Variants in HEXB observed in about 807,000 individuals in gnomAD.
The protein encoded by HEXB is beta-hexosaminidase subunit beta.
Under a neutral mutation model 71.2 loss-of-function variants are expected in HEXB, and 51 were observed. The observed-to-expected ratio is 0.72, with a 90% CI of 0.57 to 0.90. The LOEUF (loss-of-function observed/expected upper bound fraction) is 0.90. HEXB is among the 40% of genes least tolerant of loss of function. The pLI, the probability that HEXB is intolerant of heterozygous loss-of-function variation, is 0.00. For missense variants in HEXB, 617 were observed against 677.0 expected, an observed-to-expected ratio of 0.91 and a Z score of 0.98; for synonymous variants, 266 against 249.3, an observed-to-expected ratio of 1.07 and a Z score of -0.63.
chr5:74,702,895 A>G (rs946065842), intron 5 of HEXB, among the ~76,000 whole-genome samples: 1 of 152,148 alleles, frequency 6.6e-6, no homozygotes, highest in Admixed American at 6.5e-5. Flanking sequence ...TATTTTTATC[A>G]GTGTGGACTC....
chr5:74,664,430 T>TTAAAAAAAAAAAAA (rs768901546), intron 1 of HEXB, among the ~76,000 whole-genome samples: 57 of 79,626 alleles, frequency 7.2e-4, no homozygotes, highest in East Asian at 2.5e-3. Context: ...ATTCTATCTC[T>TTAAAAAAAAAAAAA]AAAAAAAAAA....
chr5:74,705,287 T>C lies in HEXB; in HGVS notation c.738T>C (p.Tyr246=), dbSNP rs777853621. 5 of 1,608,760 alleles carry C rather than the reference T, an allele frequency of 3.1e-6. No homozygotes were observed. Among genetic ancestry groups the C allele is most frequent in the Middle Eastern group, 1.6e-4 (1 of 6,078 alleles). The part of the protein sequence containing the change: ...WHIVDDQSFP[Y]QSITFPELSN... The stretch of plus-strand genomic sequence containing the variant: ...TAGTTGATGACCAGTCTTTCCCATA[T>C]CAGAGCATCACTTTTCCTGAGTTAA... The change falls in exon 6 of 14, where the codon TAT becomes TAC. Residue 246 remains tyrosine (Y), a synonymous_variant. Coordinates refer to ENST00000261416, the MANE Select transcript of HEXB (RefSeq NM_000521.4).
At chr5:74,720,202 G>A (rs371237674) in intron 11 of HEXB, 173 of 557,784 alleles carry the variant, frequency 3.1e-4, no homozygotes, top group African/African-American at 2.9e-3. Flanking sequence ...GCTGTGAACC[G>A]TGGGTCAGGG....
At chr5:74,644,085 A>G (rs1470472637) in intron 1 of HEXB, among the ~76,000 whole-genome samples, 2 of 152,212 alleles carry the variant, frequency 1.3e-5, no homozygotes, top group Non-Finnish European at 2.9e-5. Flanking sequence ...GTGGACGCCC[A>G]GTCAGGGACC....
chr5:74,700,129 C>G (rs937649903), intron 5 of HEXB, among the ~76,000 whole-genome samples: 1 of 148,984 alleles, frequency 6.7e-6, no homozygotes, highest in African/African-American at 2.5e-5. Flanking sequence ...ACCTCAGCCT[C>G]CTGAGTAGCT....
At chr5:74,713,438 A>T (rs947155699) in intron 6 of HEXB, 68 bp from the exon 7 acceptor site, 8 of 1,487,886 alleles carry the variant, frequency 5.4e-6, no homozygotes, top group Non-Finnish European at 7.5e-6. Flanking sequence ...TGCAAGCACA[A>T]TTGTTAACAA....
Position 74,640,950 on chromosome 5 carries a change from T to C in HEXB, c.-377+392T>C, listed in dbSNP as rs191698600. ...AGCGGGAGAGGGGGGCTGCGGGGAGTGCAGAGAGACAAAGCGGACGCACTG... is the reference window on the plus strand; with the variant it reads ...AGCGGGAGAGGGGGGCTGCGGGGAGCGCAGAGAGACAAAGCGGACGCACTG... On this transcript the variant is annotated intron_variant, in intron 1 of 13. Coordinates refer to the HEXB transcript ENST00000511181. The C allele has an allele frequency of 8.7e-3, 1,314 of 151,748 alleles. 16 individuals carry two copies. The highest frequency in any genetic ancestry group is 0.014 in the Non-Finnish European group (938 of 67,998). The allele number at this position is 151,748 out of a possible 1,614,324, so 9.4% of individuals were successfully genotyped here.
At chr5:74,689,053 G>A (rs79631174) in intron 1 of HEXB, among the ~76,000 whole-genome samples, 11 of 91,234 alleles carry the variant, frequency 1.2e-4, no homozygotes, top group South Asian at 7.3e-4. Flanking sequence ...GGTTCTTAAC[G>A]GGGCTTCATA....
intron 11 of HEXB, among the ~76,000 whole-genome samples, chr5:74,719,175 TC>T (rs1359772806): frequency 1.3e-5 from 2 of 152,224 alleles, no homozygotes; most frequent in Non-Finnish European, 2.9e-5. Flanking sequence ...TTTTAAACTC[TC>T]AAGAAACCAT....
At chr5:74,714,987 G>A (rs1347988878) in intron 7 of HEXB, among the ~76,000 whole-genome samples, 1 of 152,166 alleles carries the variant, frequency 6.6e-6, no homozygotes, top group Non-Finnish European at 1.5e-5. Flanking sequence ...TAGTGGGAAT[G>A]TAAAATAATG....
At chr5:74,691,349 T>A (rs1004559206) in intron 2 of HEXB, among the ~76,000 whole-genome samples, 1 of 152,198 alleles carries the variant, frequency 6.6e-6, no homozygotes, top group African/African-American at 2.4e-5. Flanking sequence ...TGCAGATAAA[T>A]GGACACATAA....
chr5:74,670,479 C>T (rs1396383832), intron 1 of HEXB, among the ~76,000 whole-genome samples: 1 of 152,166 alleles, frequency 6.6e-6, no homozygotes, highest in Non-Finnish European at 1.5e-5. Flanking sequence ...ACCCAAGACC[C>T]ACCAAATGCG....
Position 74,721,168 on chromosome 5 carries a change from A to C in HEXB, c.1664A>C (p.Asn555Thr), listed in dbSNP as rs1442570163. Residue 555 changes from asparagine (N) to threonine (T), a missense_variant, in exon 14 of 14, where the codon AAC (asparagine) becomes ACC (threonine). Physicochemically the swap from Asn to Thr is moderately conservative, Grantham distance 65 (BLOSUM62 0). Transcript: ENST00000261416. ...PLYAGYCNHE[N>T]M The stretch of plus-strand genomic sequence containing the variant: ...TATGCTGGATATTGTAACCATGAGA[A>C]CATGTAAAAAATGGAGGGGAAAAAG... 1.2e-6 allele frequency: 2 copies of C among 1,612,874 alleles called. No homozygotes were observed. The highest frequency in any genetic ancestry group is 1.7e-6 in the Non-Finnish European group (2 of 1,179,074).
In HEXB at chr5:74,718,832, C is replaced by T. The variant is rs1201778602; in HGVS notation, c.1278C>T (p.Asp426=). The T allele has an allele frequency of 6.2e-7, 1 of 1,614,126 alleles. No homozygotes were observed. The highest frequency in any genetic ancestry group is 1.1e-5 in the South Asian group (1 of 91,086). ...APGTIVEVWK[D]SAYPEELSRV... ...GCACAATAGTTGAAGTATGGAAAGA[C>T]AGCGCATATCCTGAGGAACTCAGTA... The change falls in exon 11 of 14, where the codon GAC becomes GAT. Residue 426 remains aspartate, a synonymous_variant. Coordinates refer to ENST00000261416, the MANE Select transcript of HEXB (RefSeq NM_000521.4).
intron 1 of HEXB, among the ~76,000 whole-genome samples, chr5:74,656,480 A>AAAAATAAAAT (rs369978790): frequency 0.058 from 8,364 of 145,390 alleles, 296 homozygotes; most frequent in East Asian, 0.12. Flanking sequence ...CTCTGTCTCA[A>AAAAATAAAAT]AAAATAAAAT....
At chr5:74,694,097 T>G (rs1749060078) in intron 3 of HEXB, among the ~76,000 whole-genome samples, 1 of 152,108 alleles carries the variant, frequency 6.6e-6, no homozygotes, top group East Asian at 1.9e-4. Flanking sequence ...ACGTTGAGGC[T>G]GCAGCGAGCC....
chr5:74,647,249 A>G (rs1210242912), intron 1 of HEXB, among the ~76,000 whole-genome samples: 1 of 152,246 alleles, frequency 6.6e-6, no homozygotes, highest in African/African-American at 2.4e-5. Context: ...AAGCAATGAA[A>G]ATGCAGGTTT....
intron 1 of HEXB, among the ~76,000 whole-genome samples, chr5:74,656,731 C>T (rs1342710249): frequency 6.6e-6 from 1 of 152,094 alleles, no homozygotes; most frequent in African/African-American, 2.4e-5. Flanking sequence ...CCTGCCTCAG[C>T]CTCCTGAGGA....
intron 1 of HEXB, among the ~76,000 whole-genome samples, chr5:74,672,149 T>C (rs977982295): frequency 6.6e-6 from 1 of 152,168 alleles, no homozygotes; most frequent in African/African-American, 2.4e-5. Context: ...CGTCATGACT[T>C]TGTGAACTGT....
Sources: gnomAD v4.1 joint callset for allele counts (sites outside exome capture counted in the v4.1 genomes callset) on GRCh38, gnomAD v4.1.1 for gene constraint, MANE v1.5 for transcripts, NCBI Gene and HGNC (gene_info 2026-07-23, HGNC 2026-07-21) for gene names.